Variants in EXOC6B observed in about 807,000 individuals in gnomAD.
EXOC6B encodes SEC15 homolog B.
A neutral mutation model predicts 113.5 loss-of-function variants in EXOC6B; 54 were observed. The observed-to-expected ratio is 0.48, with a 90% confidence interval of 0.38 to 0.60. EXOC6B has a LOEUF of 0.60. EXOC6B is among the 20% of genes least tolerant of loss of function. EXOC6B has a pLI of 0.00. For missense variants in EXOC6B, 797 were observed against 977.5 expected (o/e 0.82, Z 2.46); for synonymous variants, 357 against 339.0 (o/e 1.05, Z -0.58).
intron 20 of EXOC6B, among the ~76,000 whole-genome samples, chr2:72,252,033 C>T (rs1440575470): frequency 6.6e-6 from 1 of 152,086 alleles, no homozygotes; most frequent in African/African-American, 2.4e-5. Context: ...GGGCATTATT[C>T]CTGCAATTAT....
chr2:72,321,761 TA>T (rs1219849789), intron 20 of EXOC6B, among the ~76,000 whole-genome samples: 8 of 152,154 alleles, frequency 5.3e-5, no homozygotes, highest in Admixed American at 3.3e-4. Context: ...CAAAGAGGCA[TA>T]AAATAAATTT....
chr2:72,804,146 T>A (rs903270509), intron 1 of EXOC6B, among the ~76,000 whole-genome samples: 2 of 152,236 alleles, frequency 1.3e-5, no homozygotes, highest in Non-Finnish European at 2.9e-5. Flanking sequence ...TGGCTTTCCA[T>A]CAAACAGGAA....
At chr2:72,220,791 ATGT>A (rs1231013519) in intron 20 of EXOC6B, among the ~76,000 whole-genome samples, 2 of 152,178 alleles carry the variant, frequency 1.3e-5, no homozygotes, top group African/African-American at 2.4e-5. Flanking sequence ...ACCCTGGGTA[ATGT>A]TGTTCAGTTT....
At chr2:72,644,936 C>T (rs1293435666) in intron 6 of EXOC6B, among the ~76,000 whole-genome samples, 3 of 152,080 alleles carry the variant, frequency 2.0e-5, no homozygotes, top group Admixed American at 6.5e-5. Context: ...TCACACATAA[C>T]AATATTAACC....
At chr2:72,349,193 C>T (rs888074883) in intron 19 of EXOC6B, among the ~76,000 whole-genome samples, 3 of 152,114 alleles carry the variant, frequency 2.0e-5, no homozygotes, top group African/African-American at 7.2e-5. Flanking sequence ...GGGACTGAAT[C>T]GAATACACTC....
intron 20 of EXOC6B, among the ~76,000 whole-genome samples, chr2:72,198,413 G>T (rs908340324): frequency 3.3e-5 from 5 of 152,152 alleles, no homozygotes; most frequent in African/African-American, 1.2e-4. Context: ...CAGAGAAAAA[G>T]AAATTTATAG....
intron 6 of EXOC6B, among the ~76,000 whole-genome samples, chr2:72,580,298 T>A (rs1260682146): frequency 6.6e-6 from 1 of 151,696 alleles, no homozygotes; most frequent in Non-Finnish European, 1.5e-5. Context: ...CGTGCCACCA[T>A]GCTCGGCTCT....
chr2:72,618,749 C>G (rs910942027), intron 6 of EXOC6B, among the ~76,000 whole-genome samples: 12 of 152,210 alleles, frequency 7.9e-5, no homozygotes, highest in Non-Finnish European at 1.5e-4. Flanking sequence ...ATCCATTCCT[C>G]TACACTCATC....
chr2:72,498,602 T>C, intron 12 of EXOC6B, 51 bp from the exon 13 acceptor site: 1 of 1,345,156 alleles, frequency 7.4e-7, no homozygotes, highest in Non-Finnish European at 1.0e-6. Flanking sequence ...GAGTTTTTTT[T>C]TCGGTTTTTT....
chr2:72,640,328 A>G (rs1057133994), intron 6 of EXOC6B, among the ~76,000 whole-genome samples: 1 of 152,166 alleles, frequency 6.6e-6, no homozygotes, highest in African/African-American at 2.4e-5. Flanking sequence ...AAAAGAATGA[A>G]AAGGAATAAA....
intron 19 of EXOC6B, among the ~76,000 whole-genome samples, chr2:72,337,275 G>A (rs924368985): frequency 6.6e-6 from 1 of 152,124 alleles, no homozygotes; most frequent in Admixed American, 6.6e-5. Flanking sequence ...CATACTTGAT[G>A]GTTTCTTCCA....
intron 8 of EXOC6B, among the ~76,000 whole-genome samples, chr2:72,517,646 T>C (rs1447241618): frequency 1.3e-5 from 2 of 152,182 alleles, no homozygotes; most frequent in Non-Finnish European, 2.9e-5. Flanking sequence ...CTGTATACAC[T>C]AAAGGGCTTT....
At chr2:72,209,223 C>CAAAAAAAAAAAAAAAAAAAAAAAAA (rs1170760516) in intron 20 of EXOC6B, among the ~76,000 whole-genome samples, 1 of 57,104 alleles carries the variant, frequency 1.8e-5, no homozygotes. Context: ...AACTCAGTCT[C>CAAAAAAAAAAAAAAAAAAAAAAAAA]AAAAAAAAAA....
intron 20 of EXOC6B, among the ~76,000 whole-genome samples, chr2:72,302,616 A>AT (rs1686598549): frequency 6.6e-6 from 1 of 152,102 alleles, no homozygotes; most frequent in Non-Finnish European, 1.5e-5. Context: ...TTGTTGGTTT[A>AT]AAGTCTGTTT....
chr2:72,474,167 G>C (rs933454959), intron 17 of EXOC6B, among the ~76,000 whole-genome samples: 9 of 151,804 alleles, frequency 5.9e-5, no homozygotes, highest in Non-Finnish European at 1.3e-4. Flanking sequence ...TAGGTAACTA[G>C]ATGCTTTTCT....
intron 8 of EXOC6B, among the ~76,000 whole-genome samples, chr2:72,530,791 A>G (rs1195923368): frequency 6.6e-6 from 1 of 152,070 alleles, no homozygotes; most frequent in Admixed American, 6.6e-5. Flanking sequence ...GGGTTATACA[A>G]CTTCTTGATG....
At chr2:72,266,829 T>C (rs1358807692) in intron 20 of EXOC6B, among the ~76,000 whole-genome samples, 7 of 152,184 alleles carry the variant, frequency 4.6e-5, no homozygotes, top group East Asian at 1.9e-4. Flanking sequence ...GGCATTGAAT[T>C]TATAAATTAC....
rs765169227 is a variant in EXOC6B at position 72,559,421 on chromosome 2, T to C, written c.915+32A>G. On this transcript the variant is annotated intron_variant, in intron 8 of 21. Transcript: ENST00000272427. The stretch of plus-strand genomic sequence containing the variant: ...AGCAAAGTTTTGAACTCAATGGACA[T>C]CTTTATTAGGCAGAGCCAGATAAAG... 4.1e-6 allele frequency: 6 copies of C among 1,457,340 alleles called. No individual in the cohort carries two copies. The South Asian group carries it at 7.6e-5, about 19-fold the overall frequency. 90.3% of individuals were successfully genotyped at this position (1,457,340 alleles called of 1,614,324 possible).
intron 1 of EXOC6B, among the ~76,000 whole-genome samples, chr2:72,744,109 G>C (rs1681534073): frequency 6.6e-6 from 1 of 152,140 alleles, no homozygotes; most frequent in Non-Finnish European, 1.5e-5. Flanking sequence ...GTACAGGTTT[G>C]CAGCCTAGTA....
Sources: gnomAD v4.1 joint callset for allele counts (sites outside exome capture counted in the v4.1 genomes callset) on GRCh38, gnomAD v4.1.1 for gene constraint, MANE v1.5 for transcripts, NCBI Gene and HGNC (gene_info 2026-07-23, HGNC 2026-07-21) for gene names.